Variants in CEP97 observed in about 807,000 individuals in gnomAD.
CEP97 encodes centrosomal protein of 97 kDa.
In CEP97, 43 loss-of-function variants were observed where a neutral mutation model predicts 73.1. The ratio of observed to expected loss-of-function variants is 0.59; its 90% CI spans 0.46 to 0.76. The LOEUF (loss-of-function observed/expected upper bound fraction) is 0.76, where lower values mean the gene tolerates loss of function less well. Ranked by LOEUF, CEP97 falls within the 30% of genes least tolerant of loss-of-function variation. The pLI, the probability that CEP97 is intolerant of heterozygous loss-of-function variation, is 0.00. For missense variants in CEP97, 939 were observed against 1,014.0 expected (o/e 0.93, Z 1.00); for synonymous variants, 337 against 370.0 (o/e 0.91, Z 1.02).
intron 6 of CEP97, among the ~76,000 whole-genome samples, chr3:101,752,627 G>A (rs889274629): frequency 3.3e-5 from 5 of 151,798 alleles, no homozygotes; most frequent in African/African-American, 7.3e-5. Flanking sequence ...TTCCCTTCTC[G>A]CTTCATTTCA....
At chr3:101,751,379 T>A (rs577228068) in intron 6 of CEP97, among the ~76,000 whole-genome samples, 3 of 152,286 alleles carry the variant, frequency 2.0e-5, no homozygotes, top group African/African-American at 7.2e-5. Flanking sequence ...CTGAAAAAAA[T>A]GTATATTCTT....
chr3:101,749,821 T>C (rs1392655192), intron 6 of CEP97, among the ~76,000 whole-genome samples: 1 of 133,076 alleles, frequency 7.5e-6, no homozygotes, highest in Admixed American at 7.7e-5. Context: ...TCATGTCCTT[T>C]GCCCACTTTT....
intron 6 of CEP97, among the ~76,000 whole-genome samples, chr3:101,748,922 G>A (rs1286278170): frequency 6.6e-6 from 1 of 152,110 alleles, no homozygotes; most frequent in Non-Finnish European, 1.5e-5. Context: ...TTACAGGTGT[G>A]AGCCACTGCG....
intron 6 of CEP97, among the ~76,000 whole-genome samples, chr3:101,736,862 G>A (rs111761350): frequency 6.6e-6 from 1 of 152,344 alleles, no homozygotes; most frequent in African/African-American, 2.4e-5. Context: ...CAAATTGACA[G>A]AAGTAGGCTT....
At position 101,758,151 on chromosome 3, in the gene CEP97, A is replaced by G. The variant is rs780659656; in HGVS notation, c.1545A>G (p.Ile515Met). Residue 515 changes from isoleucine to methionine, a missense_variant, in exon 9 of 11, where the codon ATA becomes ATG. By Grantham distance (10) the Ile-to-Met change is conservative (BLOSUM62 1). Coordinates refer to ENST00000341893, the MANE Select transcript of CEP97 (RefSeq NM_024548.4). Reference sequence around the variant, plus strand: ...CAACTGAGCAGAAACAATCAGACATAAAGAAACCAGAAAATACACAACCAG... The same window carrying G: ...CAACTGAGCAGAAACAATCAGACATGAAGAAACCAGAAAATACACAACCAG... ...PESTEQKQSD[I>M]KKPENTQPEN... 4 of 1,613,840 alleles carry G rather than the reference A, an allele frequency of 2.5e-6. No homozygotes were observed. Among genetic ancestry groups the G allele is most frequent in the Non-Finnish European group, 3.4e-6 (4 of 1,180,002 alleles).
At chr3:101,735,392 G>C (rs1938243130) in intron 6 of CEP97, among the ~76,000 whole-genome samples, 1 of 152,082 alleles carries the variant, frequency 6.6e-6, no homozygotes, top group African/African-American at 2.4e-5. Context: ...GAAGTGTGTG[G>C]GGGGGTGGCT....
intron 6 of CEP97, among the ~76,000 whole-genome samples, chr3:101,739,297 G>C (rs750302559): frequency 6.6e-6 from 1 of 151,994 alleles, no homozygotes; most frequent in Non-Finnish European, 1.5e-5. Context: ...AGAAAAAGAG[G>C]GACTCCTCCC....
chr3:101,758,124 G>A lies in CEP97; in HGVS notation c.1518G>A (p.Glu506=). 6 of 1,614,144 alleles carry A rather than the reference G, an allele frequency of 3.7e-6. No individual in the cohort carries two copies. The highest frequency in any genetic ancestry group is 5.1e-6 in the Non-Finnish European group (6 of 1,180,026). Residue 506 remains glutamate (E), a synonymous_variant, in exon 9 of 11, where the codon GAG becomes GAA. Transcript: ENST00000341893. The stretch of plus-strand genomic sequence containing the variant: ...ACCACAGTCTTACATTTTTTCCTGA[G>A]TCAACTGAGCAGAAACAATCAGACA... The part of the protein sequence containing the change: ...DDNHSLTFFP[E]STEQKQSDIK...
intron 6 of CEP97, among the ~76,000 whole-genome samples, chr3:101,738,508 A>C (rs1192599559): frequency 6.6e-6 from 1 of 152,236 alleles, no homozygotes; most frequent in Non-Finnish European, 1.5e-5. Context: ...ACCACAGTGC[A>C]ATCAAATTAG....
In CEP97 at chr3:101,758,121, T is replaced by G; in HGVS notation, c.1515T>G (p.Pro505=). 6.2e-7 allele frequency: 1 copy of G among 1,614,224 alleles called. No homozygotes were observed. Among genetic ancestry groups the G allele is most frequent in the Non-Finnish European group, 8.5e-7 (1 of 1,180,052 alleles). The change falls in exon 9 of 11, where the codon CCT becomes CCG. Residue 505 remains proline (P), a synonymous_variant. Coordinates refer to ENST00000341893, the MANE Select transcript of CEP97 (RefSeq NM_024548.4). ...ATAACCACAGTCTTACATTTTTTCC[T>G]GAGTCAACTGAGCAGAAACAATCAG... The part of the protein sequence containing the change: ...KDDNHSLTFF[P]ESTEQKQSDI...
chr3:101,751,235 C>T (rs535818802), intron 6 of CEP97, among the ~76,000 whole-genome samples: 7 of 152,298 alleles, frequency 4.6e-5, no homozygotes, highest in Admixed American at 1.3e-4. Flanking sequence ...GAGTGAGTTT[C>T]TTAATCCTGA....
chr3:101,766,508 G>T lies in CEP97; in HGVS notation c.*957G>T, dbSNP rs1216299598. 1 of 152,574 alleles carries T rather than the reference G, an allele frequency of 6.6e-6. No individual in the cohort carries two copies. The highest frequency in any genetic ancestry group is 2.4e-5 in the African/African-American group (1 of 41,430). The allele number at this position is 152,574 out of a possible 1,614,324, so 9.5% of individuals were successfully genotyped here. A position where few individuals can be genotyped will look rare whatever the true frequency, so the allele number is the denominator to read the frequency against. ...TGTCCCATAGTGAAGAACATTTAAA[G>T]TAATACTACTGGTCGAATATGAATG... On this transcript the variant is annotated 3_prime_UTR_variant, in exon 11 of 11. Coordinates refer to ENST00000341893, the MANE Select transcript of CEP97 (RefSeq NM_024548.4).
At chr3:101,749,508 C>T (rs1175190644) in intron 6 of CEP97, among the ~76,000 whole-genome samples, 84 of 129,638 alleles carry the variant, frequency 6.5e-4, no homozygotes, top group Non-Finnish European at 1.1e-3. Context: ...GGGTATATAC[C>T]CAGTAATGGG....
intron 6 of CEP97, among the ~76,000 whole-genome samples, chr3:101,736,117 A>T (rs1339504595): frequency 2.6e-5 from 4 of 152,210 alleles, no homozygotes; most frequent in African/African-American, 9.7e-5. Flanking sequence ...CAGCTCAGCA[A>T]AGCTGCTGTA....
chr3:101,766,900 C>A lies in CEP97; in HGVS notation c.*1349C>A, dbSNP rs1560024384. On this transcript the variant is annotated 3_prime_UTR_variant, in exon 11 of 11. Transcript: ENST00000341893. Reference sequence around the variant, plus strand: ...TGTAAAATAAAAGCATCTGATCCTTCAAGGATAAAGTTGAGGATCACATGG... The same window carrying A: ...TGTAAAATAAAAGCATCTGATCCTTAAAGGATAAAGTTGAGGATCACATGG... 1 of 152,106 alleles carries A rather than the reference C, an allele frequency of 6.6e-6. No homozygotes were observed. Among genetic ancestry groups the A allele is most frequent in the Non-Finnish European group, 1.5e-5 (1 of 68,026 alleles). 9.4% of individuals were successfully genotyped at this position (152,106 alleles called of 1,614,324 possible). A position where few individuals can be genotyped will look rare whatever the true frequency, so the allele number is the denominator to read the frequency against.
chr3:101,736,901 A>G (rs1200723873), intron 6 of CEP97, among the ~76,000 whole-genome samples: 1 of 152,198 alleles, frequency 6.6e-6, no homozygotes, highest in African/African-American at 2.4e-5. Context: ...CGTTGAGCTA[A>G]AGGAGCATAT....
At chr3:101,741,467 A>G (rs1007146796) in intron 6 of CEP97, among the ~76,000 whole-genome samples, 3 of 152,250 alleles carry the variant, frequency 2.0e-5, no homozygotes, top group African/African-American at 7.2e-5. Flanking sequence ...AACTATCATC[A>G]AAGTGAACAG....
In CEP97 at chr3:101,758,256, A is replaced by C. The variant is rs1939073862; in HGVS notation, c.1650A>C (p.Gln550His). The C allele has an allele frequency of 6.2e-7, 1 of 1,614,108 alleles. No individual in the cohort carries two copies. The highest frequency in any genetic ancestry group is 8.5e-7 in the Non-Finnish European group (1 of 1,180,050). ...CCCAGAGATCTGTTGCTTTGGGACA[A>C]GACAAAGTTGCCCTTCAGAAATTAA... Reference protein sequence around the residue: ...ILTQRSVALGQDKVALQKLND... With the variant: ...ILTQRSVALGHDKVALQKLND... The change falls in exon 9 of 11, where the codon CAA (glutamine) becomes CAC (histidine). Residue 550 changes from glutamine to histidine, a missense_variant. Gln to His is a conservative substitution (Grantham distance 24). Coordinates refer to ENST00000341893, the MANE Select transcript of CEP97 (RefSeq NM_024548.4).
At chr3:101,763,305 G>A in intron 10 of CEP97, 8 of 808,584 alleles carry the variant, frequency 9.9e-6, no homozygotes, top group South Asian at 7.2e-5. Context: ...TTAAATTATA[G>A]AATAATAATA....
Sources: allele counts gnomAD v4.1 joint callset (sites outside exome capture counted in the v4.1 genomes callset), GRCh38; gene constraint gnomAD v4.1.1; transcripts MANE v1.5; gene names NCBI Gene and HGNC (gene_info 2026-07-23, HGNC 2026-07-21).